Variants in WASHC1 observed in about 807,000 individuals in gnomAD.
The protein encoded by WASHC1 is WASH complex subunit 1, also known as CXYorf1-like protein on chromosome 9.
A neutral mutation model predicts 26.1 loss-of-function variants in WASHC1; 11 were observed. The observed-to-expected ratio is 0.42, with a 90% CI of 0.27 to 0.70. The LOEUF (loss-of-function observed/expected upper bound fraction) is 0.70, where lower values mean the gene tolerates loss of function less well. Ranked by LOEUF, WASHC1 falls within the 30% of genes least tolerant of loss-of-function variation. WASHC1 has a pLI of 0.24. For synonymous variants in WASHC1, 37 were observed against 126.6 expected, an observed-to-expected ratio of 0.29 and a Z score of 4.75; for missense variants, 96 against 304.9, an observed-to-expected ratio of 0.31 and a Z score of 5.10.
chr9:22,344 G>A (rs1211311724), intron 2 of WASHC1, among the ~76,000 whole-genome samples: 8 of 143,838 alleles, frequency 5.6e-5, no homozygotes, highest in Admixed American at 1.3e-4. Context: ...CCTGTGTCAT[G>A]TCACCTTGCT....
At chr9:28,698 G>GTAGTT (rs1678870667) in intron 1 of WASHC1, 1 of 100,518 alleles carries the variant, frequency 9.9e-6, no homozygotes, top group South Asian at 2.8e-4. Context: ...TTTAATAATG[G>GTAGTT]TGGGTTTTTT....
chr9:21,766 GC>G (rs1348178490), intron 2 of WASHC1, among the ~76,000 whole-genome samples: 1 of 150,850 alleles, frequency 6.6e-6, no homozygotes, highest in African/African-American at 2.4e-5. Context: ...AGCTCCCTCA[GC>G]CCCATTCAAA....
Position 15,891 on chromosome 9 carries a change from G to A in WASHC1, c.1195+18C>T, listed in dbSNP as rs760996598. 4.3e-6 allele frequency: 6 copies of A among 1,394,784 alleles called. 1 individual carries two copies. Among genetic ancestry groups the A allele is most frequent in the South Asian group, 1.3e-5 (1 of 78,498 alleles). The allele number at this position is 1,394,784 out of a possible 1,614,324, so 86.4% of individuals were successfully genotyped here. A position where few individuals can be genotyped will look rare whatever the true frequency, so the allele number is the denominator to read the frequency against. On this transcript the variant is annotated intron_variant, in intron 9 of 10. Coordinates refer to ENST00000442898, the Ensembl canonical transcript of WASHC1. ...CTTGCCCAAGGCCCTCCAACCGCAG[G>A]CTCCAGGGCCCGCTCACCTTGCTCC...
Sources: allele counts gnomAD v4.1 joint callset (sites outside exome capture counted in the v4.1 genomes callset), GRCh38; gene constraint gnomAD v4.1.1; transcripts MANE v1.5; gene names NCBI Gene and HGNC (gene_info 2026-07-23, HGNC 2026-07-21).